ANKRD6: variants seen among roughly 807,000 people sequenced by gnomAD.
ANKRD6 encodes the protein ankyrin repeat domain-containing protein 6.
A neutral mutation model predicts 82.3 loss-of-function variants in ANKRD6; 56 were observed. The ratio of observed to expected loss-of-function variants is 0.68; its 90% CI spans 0.55 to 0.85. The LOEUF is 0.85. Among genes scored for constraint, ANKRD6 ranks in the 40% least tolerant of loss-of-function variants. ANKRD6 has a pLI of 0.00. For missense variants in ANKRD6, 852 were observed against 907.6 expected, an observed-to-expected ratio of 0.94 and a Z score of 0.79; for synonymous variants, 347 against 352.1, an observed-to-expected ratio of 0.99 and a Z score of 0.16.
At chr6:89,465,183 A>C (rs1433095326) in intron 1 of ANKRD6, among the ~76,000 whole-genome samples, 2 of 150,000 alleles carry the variant, frequency 1.3e-5, no homozygotes, top group Non-Finnish European at 3.0e-5. Flanking sequence ...GCAGTGGAGC[A>C]ATCTCGGCTC....
intron 2 of ANKRD6, among the ~76,000 whole-genome samples, chr6:89,576,819 C>T (rs946767414): frequency 6.6e-6 from 1 of 152,192 alleles, no homozygotes; most frequent in African/African-American, 2.4e-5. Flanking sequence ...ATCTGCTCTC[C>T]CTCTGGACAC....
intron 15 of ANKRD6, among the ~76,000 whole-genome samples, chr6:89,629,997 G>T (rs538700566): frequency 2.6e-5 from 4 of 152,198 alleles, no homozygotes; most frequent in Non-Finnish European, 4.4e-5. Context: ...CAAGCAGTTA[G>T]TACACTGGTA....
chr6:89,495,685 ACT>A (rs1433259763), intron 1 of ANKRD6, among the ~76,000 whole-genome samples: 8 of 151,746 alleles, frequency 5.3e-5, no homozygotes, highest in African/African-American at 1.9e-4. Context: ...TATCAAACAA[ACT>A]CTCTCATAGG....
chr6:89,596,847 A>G (rs1252816010), intron 3 of ANKRD6, among the ~76,000 whole-genome samples: 1 of 152,260 alleles, frequency 6.6e-6, no homozygotes, highest in Non-Finnish European at 1.5e-5. Context: ...AACTATTTTT[A>G]GAAATGGTTG....
intron 1 of ANKRD6, among the ~76,000 whole-genome samples, chr6:89,563,704 C>T (rs1343569397): frequency 6.6e-6 from 1 of 152,184 alleles, no homozygotes; most frequent in Non-Finnish European, 1.5e-5. Context: ...TCCCCCATCC[C>T]TTCTTAAACT....
At chr6:89,446,213 A>C (rs1042871320) in intron 1 of ANKRD6, among the ~76,000 whole-genome samples, 14 of 152,076 alleles carry the variant, frequency 9.2e-5, no homozygotes, top group Admixed American at 1.3e-4. Context: ...TTAACTGGGC[A>C]TGCTGGTGCA....
Position 89,475,483 on chromosome 6 carries a change from C to T in ANKRD6, c.-144+42108C>T, listed in dbSNP as rs181558005. Among the ~76,000 whole-genome samples, 3 of 152,312 alleles carry T rather than the reference C, an allele frequency of 2.0e-5. No individual in the cohort carries two copies. The East Asian group carries it at 5.8e-4, about 29-fold the overall frequency. On this transcript the variant is annotated intron_variant, in intron 1 of 15. Transcript: ENST00000339746. ...TGTACTGGCATGAATATGATTGGAA[C>T]ATGCAGAGTTGTAGCACACCCTTAT...
At chr6:89,598,146 C>T in intron 3 of ANKRD6, 2 of 985,410 alleles carry the variant, frequency 2.0e-6, no homozygotes, top group Non-Finnish European at 1.2e-6. Context: ...GAATGACCTC[C>T]AGTGGCCTGG....
At chr6:89,585,880 G>T (rs1234374471) in intron 2 of ANKRD6, among the ~76,000 whole-genome samples, 1 of 152,206 alleles carries the variant, frequency 6.6e-6, no homozygotes, top group Non-Finnish European at 1.5e-5. Context: ...ACTCCAGCCT[G>T]GGTGACAGAG....
chr6:89,537,785 A>G (rs535817830), intron 1 of ANKRD6, among the ~76,000 whole-genome samples: 148 of 149,690 alleles, frequency 9.9e-4, no homozygotes, highest in African/African-American at 3.4e-3. Context: ...AGTCCCAGCT[A>G]CTCATGAGGC....
intron 1 of ANKRD6, among the ~76,000 whole-genome samples, chr6:89,445,121 T>A (rs1203198894): frequency 2.0e-5 from 3 of 152,278 alleles, no homozygotes; most frequent in Middle Eastern, 3.4e-3. Flanking sequence ...AATTCTGTGT[T>A]GAGCGTCTAT....
At chr6:89,492,057 C>G (rs982392035) in intron 1 of ANKRD6, among the ~76,000 whole-genome samples, 1 of 152,196 alleles carries the variant, frequency 6.6e-6, no homozygotes, top group African/African-American at 2.4e-5. Context: ...CCCACGTCAC[C>G]TAAAACTTAC....
Position 89,559,392 on chromosome 6 carries a change from A to AC in ANKRD6, c.-143-7438dup, listed in dbSNP as rs560671663. On this transcript the variant is annotated intron_variant, in intron 1 of 15. Coordinates refer to ENST00000339746, the MANE Select transcript of ANKRD6 (RefSeq NM_001242809.2). ...GTGAAAACTTTCCTGACCTCCTTTC[A>AC]CCCCAGCACAGCAAGCAAGAATGAT... 4.5e-3 allele frequency among the ~76,000 whole-genome samples: 676 copies of AC among 151,888 alleles called. 9 individuals are homozygous for AC. The highest frequency in any genetic ancestry group is 0.015 in the African/African-American group (639 of 41,392).
chr6:89,552,321 AATC>A (rs1422053175), intron 1 of ANKRD6, among the ~76,000 whole-genome samples: 1 of 152,204 alleles, frequency 6.6e-6, no homozygotes, highest in Non-Finnish European at 1.5e-5. Context: ...GCACATGGCT[AATC>A]ATCATGTATG....
At chr6:89,593,607 T>C (rs1795308896) in intron 2 of ANKRD6, among the ~76,000 whole-genome samples, 1 of 152,236 alleles carries the variant, frequency 6.6e-6, no homozygotes, top group Non-Finnish European at 1.5e-5. Flanking sequence ...TTGTCTGTTA[T>C]CTCTGTTTTC....
intron 2 of ANKRD6, among the ~76,000 whole-genome samples, chr6:89,584,038 A>G (rs1192369537): frequency 6.6e-6 from 1 of 152,212 alleles, no homozygotes; most frequent in Non-Finnish European, 1.5e-5. Context: ...AGTGCTTTAT[A>G]ACCCAGATTA....
At chr6:89,435,154 C>T (rs1770469932) in intron 1 of ANKRD6, among the ~76,000 whole-genome samples, 1 of 152,212 alleles carries the variant, frequency 6.6e-6, no homozygotes, top group Non-Finnish European at 1.5e-5. Flanking sequence ...ACTTCCAACT[C>T]CCAAGGCCTC....
chr6:89,579,613 C>T lies in ANKRD6; in HGVS notation c.120+12517C>T, dbSNP rs527675214. On this transcript the variant is annotated intron_variant, in intron 2 of 15. Transcript: ENST00000339746. ...CTCTACTGAAAATACAAAAATTAGT[C>T]GGGTGTGGTGGTGCACGCCTGTAAT... is the stretch of plus-strand genomic sequence containing the variant. Among the ~76,000 whole-genome samples, 8 of 151,850 alleles carry T rather than the reference C, an allele frequency of 5.3e-5. No homozygotes were observed. In the East Asian group the frequency reaches 7.8e-4, roughly 15 times the overall value.
chr6:89,537,687 G>A (rs1783998193), intron 1 of ANKRD6, among the ~76,000 whole-genome samples: 1 of 151,726 alleles, frequency 6.6e-6, no homozygotes, highest in Non-Finnish European at 1.5e-5. Flanking sequence ...GCCGAGGTAG[G>A]AGGATTGCTT....
Sources: gnomAD v4.1 joint callset for allele counts (sites outside exome capture counted in the v4.1 genomes callset) on GRCh38, gnomAD v4.1.1 for gene constraint, MANE v1.5 for transcripts, NCBI Gene and HGNC (gene_info 2026-07-23, HGNC 2026-07-21) for gene names.